The following RMST variants were observed in gnomAD, a reference collection of about 807,000 sequenced individuals.
RMST encodes the protein long intergenic non-protein coding RNA 54.
intron 5 of RMST, among the ~76,000 whole-genome samples, chr12:97,469,565 C>T (rs1462386557): frequency 2.0e-5 from 3 of 151,924 alleles, no homozygotes; most frequent in East Asian, 1.9e-4. Flanking sequence ...ATCATCATTA[C>T]GTTTGTTTGT....
At chr12:97,504,402 T>TAAAA (rs754529152) in intron 10 of RMST, among the ~76,000 whole-genome samples, 6 of 125,230 alleles carry the variant, frequency 4.8e-5, no homozygotes, top group Admixed American at 8.4e-5. Context: ...AGACTTCATT[T>TAAAA]CAAAAAAAAA....
intron 10 of RMST, among the ~76,000 whole-genome samples, chr12:97,513,710 A>T (rs1879652570): frequency 6.6e-6 from 1 of 152,148 alleles, no homozygotes; most frequent in Non-Finnish European, 1.5e-5. Flanking sequence ...CCATATTCTT[A>T]TGTTTATTTT....
At chr12:97,562,315 G>A (rs142214991) in intron 13 of RMST, among the ~76,000 whole-genome samples, 9 of 152,306 alleles carry the variant, frequency 5.9e-5, no homozygotes, top group African/African-American at 2.2e-4. Context: ...CTCTGTTTCT[G>A]GAGTTTGGTG....
chr12:97,502,778 C>T (rs1565925101), intron 10 of RMST, among the ~76,000 whole-genome samples: 1 of 152,192 alleles, frequency 6.6e-6, no homozygotes, highest in Non-Finnish European at 1.5e-5. Flanking sequence ...GAATGTAGAA[C>T]TGACAAGCTC....
chr12:97,513,088 G>A lies in RMST; in HGVS notation n.1340+17032G>A, dbSNP rs146062509. 9.0e-3 allele frequency among the ~76,000 whole-genome samples: 1,365 copies of A among 152,284 alleles called. 25 individuals carry two copies. Among genetic ancestry groups the A allele is most frequent in the African/African-American group, 0.031 (1,304 of 41,560 alleles). On this transcript the variant is annotated intron_variant and non_coding_transcript_variant, in intron 10 of 13. Transcript: ENST00000640149. The stretch of plus-strand genomic sequence containing the variant: ...GAACTCGCGCAGGCCCGCAAGCACC[G>A]CGCGCAGCCCGGGTTCCCACCTGCG...
rs191495573 is a variant in RMST at position 97,519,349 on chromosome 12, T to G, written n.1341-11306T>G. ...TCCCAGGAAATCACTTCTTGACATT[T>G]GGTGGCTTGTTTTACTCCAGGGAGA... is the stretch of plus-strand genomic sequence containing the variant. On this transcript the variant is annotated intron_variant and non_coding_transcript_variant, in intron 10 of 13. Transcript: ENST00000640149. Among the ~76,000 whole-genome samples, 202 of 152,298 alleles carry G rather than the reference T, an allele frequency of 1.3e-3. 4 individuals are homozygous for G. Among genetic ancestry groups the G allele is most frequent in the Middle Eastern group, 6.8e-3 (2 of 294 alleles).
At chr12:97,480,916 G>C (rs1875198600) in intron 5 of RMST, among the ~76,000 whole-genome samples, 1 of 151,872 alleles carries the variant, frequency 6.6e-6, no homozygotes, top group Non-Finnish European at 1.5e-5. Context: ...ACTATCCTTA[G>C]CCTTATCAAT....
chr12:97,523,326 G>A (rs1218571892), intron 10 of RMST, among the ~76,000 whole-genome samples: 1 of 152,098 alleles, frequency 6.6e-6, no homozygotes, highest in African/African-American at 2.4e-5. Context: ...TGTGACCATT[G>A]TTTTTATTGC....
At chr12:97,552,014 C>T (rs966667558) in intron 11 of RMST, 3 of 152,234 alleles carry the variant, frequency 2.0e-5, no homozygotes, top group Admixed American at 2.0e-4. Flanking sequence ...TGTAAGAAAT[C>T]GCTAAATTAT....
chr12:97,551,976 G>A (rs912156269), intron 11 of RMST: 3 of 152,222 alleles, frequency 2.0e-5, no homozygotes, highest in South Asian at 2.1e-4. Context: ...TTGGATGAAC[G>A]ATTAAAATGA....
At chr12:97,489,136 C>A (rs964520739) in intron 5 of RMST, among the ~76,000 whole-genome samples, 1 of 152,184 alleles carries the variant, frequency 6.6e-6, no homozygotes. Flanking sequence ...TTATTTAAAA[C>A]CTTGCTGTAT....
At chr12:97,464,282 C>T (rs1872915528) in intron 4 of RMST, among the ~76,000 whole-genome samples, 1 of 152,092 alleles carries the variant, frequency 6.6e-6, no homozygotes, top group Non-Finnish European at 1.5e-5. Context: ...CTTTCATTTC[C>T]CACAATTTAA....
chr12:97,512,916 C>G (rs1040816518), intron 10 of RMST, among the ~76,000 whole-genome samples: 1 of 152,164 alleles, frequency 6.6e-6, no homozygotes, highest in African/African-American at 2.4e-5. Flanking sequence ...GGCTGCAGGT[C>G]GGGAGCCCTG....
At chr12:97,513,037 G>A (rs1266171652) in intron 10 of RMST, among the ~76,000 whole-genome samples, 3 of 152,338 alleles carry the variant, frequency 2.0e-5, no homozygotes, top group South Asian at 2.1e-4. Context: ...TCCAACTGCG[G>A]GGTCCGCCGA....
intron 11 of RMST, among the ~76,000 whole-genome samples, chr12:97,537,147 G>T (rs1467752665): frequency 6.6e-6 from 1 of 151,412 alleles, no homozygotes; most frequent in Non-Finnish European, 1.5e-5. Context: ...ATTAAAGTGT[G>T]TAATAAAATG....
At chr12:97,557,651 T>C (rs529180301) in intron 11 of RMST, among the ~76,000 whole-genome samples, 1 of 152,280 alleles carries the variant, frequency 6.6e-6, no homozygotes, top group South Asian at 2.1e-4. Context: ...ATTGCAAGCA[T>C]AAAGTGATTT....
intron 5 of RMST, among the ~76,000 whole-genome samples, chr12:97,470,367 T>G (rs890815064): frequency 6.6e-6 from 1 of 151,868 alleles, no homozygotes; most frequent in Admixed American, 6.6e-5. Context: ...AGTAAGAGCC[T>G]CCACTGCCTA....
chr12:97,483,668 A>C (rs1001409154), intron 5 of RMST, among the ~76,000 whole-genome samples: 12 of 152,194 alleles, frequency 7.9e-5, no homozygotes, highest in African/African-American at 2.9e-4. Context: ...TTTAAAAAAT[A>C]CTTGTAAAAA....
intron 10 of RMST, among the ~76,000 whole-genome samples, chr12:97,508,765 A>G (rs909189649): frequency 6.6e-6 from 1 of 152,158 alleles, no homozygotes; most frequent in Non-Finnish European, 1.5e-5. Context: ...AGAGTAGGAG[A>G]TTAATTCAGG....
Sources: allele counts gnomAD v4.1 joint callset (sites outside exome capture counted in the v4.1 genomes callset), GRCh38; gene constraint gnomAD v4.1.1; transcripts MANE v1.5; gene names NCBI Gene and HGNC (gene_info 2026-07-23, HGNC 2026-07-21).